Variants in PRKCB observed in about 807,000 individuals in gnomAD.
PRKCB encodes the protein protein kinase C beta type.
PRKCB carries 13 observed loss-of-function variants against 81.5 expected under a neutral mutation model. That is an observed-to-expected ratio of 0.16 (90% CI 0.10 to 0.25). The LOEUF (loss-of-function observed/expected upper bound fraction) is 0.25, where lower values mean the gene tolerates loss of function less well. PRKCB is among the 10% of genes least tolerant of loss of function. The pLI is 1.00. For missense variants in PRKCB, 509 were observed against 875.7 expected, an observed-to-expected ratio of 0.58 and a Z score of 5.29; for synonymous variants, 335 against 321.4, an observed-to-expected ratio of 1.04 and a Z score of -0.45.
chr16:24,124,004 C>T (rs753779451), intron 9 of PRKCB, 23 bp downstream of exon 9: 2 of 1,613,510 alleles, frequency 1.2e-6, no homozygotes, highest in South Asian at 1.1e-5. Flanking sequence ...TTGGTGGCTC[C>T]ACCTGCTTTG....
intron 2 of PRKCB, among the ~76,000 whole-genome samples, chr16:23,946,305 A>G (rs1031242796): frequency 1.3e-5 from 2 of 152,162 alleles, no homozygotes; most frequent in Non-Finnish European, 2.9e-5. Context: ...CGCTTTGCTA[A>G]AGAGACCACC....
intron 2 of PRKCB, among the ~76,000 whole-genome samples, chr16:23,910,548 A>G (rs910197872): frequency 3.9e-5 from 6 of 152,212 alleles, no homozygotes; most frequent in Non-Finnish European, 5.9e-5. Context: ...TCAAGCCAGA[A>G]TGAACTAACA....
chr16:23,975,039 C>T lies in PRKCB; in HGVS notation c.206-13469C>T, dbSNP rs1964606807. ...GCATACCGTGGAGAAAGGATGGCTT[C>T]CCAAAGAAAAACAACATTCCAGCTA... On this transcript the variant is annotated intron_variant, in intron 2 of 16. Coordinates refer to ENST00000643927, the MANE Select transcript of PRKCB (RefSeq NM_002738.7). Among the ~76,000 whole-genome samples the T allele has an allele frequency of 1.3e-5, 2 of 152,164 alleles. 1 individual carries two copies. The highest frequency in any genetic ancestry group is 4.1e-4 in the South Asian group (2 of 4,826).
chr16:24,151,715 C>A (rs542596619), intron 9 of PRKCB: 5 of 442,402 alleles, frequency 1.1e-5, no homozygotes, highest in East Asian at 7.0e-5. Context: ...AGGATGTGGT[C>A]ATGGAATTGT....
intron 3 of PRKCB, among the ~76,000 whole-genome samples, chr16:23,997,151 G>A (rs1964969182): frequency 6.6e-6 from 1 of 152,108 alleles, no homozygotes; most frequent in African/African-American, 2.4e-5. Flanking sequence ...AGCCACTTTG[G>A]GGTTCCCATG....
chr16:24,096,433 A>G lies in PRKCB; in HGVS notation c.821+2136A>G, dbSNP rs370596862. 4.0e-5 allele frequency among the ~76,000 whole-genome samples: 6 copies of G among 151,812 alleles called. No individual in the cohort carries two copies. The East Asian group carries it at 1.2e-3, about 29-fold the overall frequency. On this transcript the variant is annotated intron_variant, in intron 7 of 16. Transcript: ENST00000643927. ...TCTCCCTGTTACAATTTCTGCAAAG[A>G]CAGTTCCATGACTGGCTCCATGGAC...
intron 3 of PRKCB, among the ~76,000 whole-genome samples, chr16:24,031,612 T>C (rs896647625): frequency 6.6e-6 from 1 of 152,210 alleles, no homozygotes; most frequent in Non-Finnish European, 1.5e-5. Flanking sequence ...AAACCAGCAG[T>C]CTCTGCCACA....
chr16:24,001,419 G>T (rs535692146), intron 3 of PRKCB, among the ~76,000 whole-genome samples: 2 of 152,270 alleles, frequency 1.3e-5, no homozygotes, highest in East Asian at 1.9e-4. Flanking sequence ...GTCTCACTTT[G>T]TGATAAGATA....
intron 5 of PRKCB, among the ~76,000 whole-genome samples, chr16:24,056,664 A>G (rs536712170): frequency 4.1e-4 from 63 of 152,002 alleles, no homozygotes; most frequent in Non-Finnish European, 7.9e-4. Context: ...GGTTGTTTAA[A>G]AGAGTCTGGC....
intron 7 of PRKCB, among the ~76,000 whole-genome samples, chr16:24,110,107 C>T (rs1180367540): frequency 1.2e-3 from 120 of 97,778 alleles, no homozygotes; most frequent in African/African-American, 5.9e-3. Flanking sequence ...AGAGGGAGAC[C>T]GTGGGGAGAG....
chr16:24,060,327 C>T (rs1250127213), intron 5 of PRKCB, among the ~76,000 whole-genome samples: 1 of 152,128 alleles, frequency 6.6e-6, no homozygotes, highest in Admixed American at 6.6e-5. Flanking sequence ...AGGGCCTTCA[C>T]AGCGCTTAGT....
intron 9 of PRKCB, among the ~76,000 whole-genome samples, chr16:24,143,386 G>T (rs1966934221): frequency 6.6e-6 from 1 of 152,076 alleles, no homozygotes. Context: ...ACCTGCCGTG[G>T]CCTCCAAGGT....
At chr16:24,197,636 A>T (rs1386312050) in intron 16 of PRKCB, among the ~76,000 whole-genome samples, 1 of 152,200 alleles carries the variant, frequency 6.6e-6, no homozygotes, top group Non-Finnish European at 1.5e-5. Context: ...TGAGTGCTGC[A>T]GGGACAAGGG....
intron 2 of PRKCB, among the ~76,000 whole-genome samples, chr16:23,858,649 G>T (rs1234080564): frequency 6.6e-6 from 1 of 152,092 alleles, no homozygotes; most frequent in Admixed American, 6.5e-5. Flanking sequence ...ACTTTCATTG[G>T]CCACGTGATC....
chr16:24,122,708 T>A (rs1178054787), intron 8 of PRKCB, among the ~76,000 whole-genome samples: 1 of 151,446 alleles, frequency 6.6e-6, no homozygotes, highest in African/African-American at 2.4e-5. Flanking sequence ...GAATCTCCTG[T>A]CTCAGCATCA....
chr16:24,081,093 AT>A (rs938102670), intron 5 of PRKCB, among the ~76,000 whole-genome samples: 1 of 152,078 alleles, frequency 6.6e-6, no homozygotes. Flanking sequence ...ACAATTTATC[AT>A]TTTTTTCTTT....
intron 2 of PRKCB, among the ~76,000 whole-genome samples, chr16:23,960,756 C>G (rs544251892): frequency 6.6e-6 from 1 of 152,302 alleles, no homozygotes; most frequent in South Asian, 2.1e-4. Flanking sequence ...GCTTCCTTCC[C>G]TTCACTGTCT....
chr16:24,175,545 A>G (rs1967515480), intron 12 of PRKCB, among the ~76,000 whole-genome samples: 1 of 151,554 alleles, frequency 6.6e-6, no homozygotes, highest in African/African-American at 2.4e-5. Context: ...CAAGCAGGGG[A>G]GGGTGCTGGT....
intron 2 of PRKCB, among the ~76,000 whole-genome samples, chr16:23,955,924 C>T (rs1400980589): frequency 6.6e-6 from 1 of 151,986 alleles, no homozygotes; most frequent in African/African-American, 2.4e-5. Flanking sequence ...TTTTCTCATT[C>T]CAGGTTTGTA....
Sources: gnomAD v4.1 joint callset for allele counts (sites outside exome capture counted in the v4.1 genomes callset) on GRCh38, gnomAD v4.1.1 for gene constraint, MANE v1.5 for transcripts, NCBI Gene and HGNC (gene_info 2026-07-23, HGNC 2026-07-21) for gene names.